ANKRD55: variants seen among roughly 807,000 people sequenced by gnomAD.
ANKRD55 encodes ankyrin repeat domain-containing protein 55.
Under a neutral mutation model 60.6 loss-of-function variants are expected in ANKRD55, and 41 were observed. The ratio of observed to expected loss-of-function variants is 0.68; its 90% CI spans 0.53 to 0.88. ANKRD55 has a LOEUF of 0.88. Among genes scored for constraint, ANKRD55 ranks in the 40% least tolerant of loss-of-function variants. The pLI is 0.00. For missense variants in ANKRD55, 732 were observed against 767.6 expected, an observed-to-expected ratio of 0.95 and a Z score of 0.55; for synonymous variants, 264 against 290.3, an observed-to-expected ratio of 0.91 and a Z score of 0.92.
chr5:56,120,041 ATT>A (rs34414624), intron 8 of ANKRD55, among the ~76,000 whole-genome samples: 2 of 144,284 alleles, frequency 1.4e-5, no homozygotes, highest in Admixed American at 6.9e-5. Context: ...TCTCAACACC[ATT>A]TTTTTTTTTT....
At chr5:56,164,225 G>C (rs771132423) in intron 5 of ANKRD55, among the ~76,000 whole-genome samples, 2 of 152,210 alleles carry the variant, frequency 1.3e-5, no homozygotes, top group Non-Finnish European at 2.9e-5. Context: ...TCAGCTAGAA[G>C]CATCCTGGGG....
chr5:56,148,610 C>T (rs1757958063), intron 6 of ANKRD55, among the ~76,000 whole-genome samples: 1 of 151,714 alleles, frequency 6.6e-6, no homozygotes, highest in South Asian at 2.1e-4. Context: ...TGTGCCACCA[C>T]AATTTCAGTT....
intron 6 of ANKRD55, among the ~76,000 whole-genome samples, chr5:56,151,563 A>G (rs1387916342): frequency 2.0e-5 from 3 of 152,166 alleles, no homozygotes; most frequent in African/African-American, 7.2e-5. Flanking sequence ...CTATAATCCC[A>G]GCACTTTGGG....
intron 6 of ANKRD55, among the ~76,000 whole-genome samples, chr5:56,151,267 T>G (rs1758036615): frequency 6.6e-6 from 1 of 152,244 alleles, no homozygotes; most frequent in Non-Finnish European, 1.5e-5. Context: ...CTACAGGACA[T>G]TTTTAAAAAA....
In ANKRD55 at chr5:56,140,733, T is replaced by C. The variant is rs193219737; in HGVS notation, c.612+3068A>G. Among the ~76,000 whole-genome samples, 7 of 152,320 alleles carry C rather than the reference T, an allele frequency of 4.6e-5. No individual in the cohort carries two copies. In the East Asian group the frequency reaches 1.3e-3, roughly 29 times the overall value. ...ATAGTGCTTCTAAACCCTAGCTGCATATTACAGTCTTCTATGGAAAGGAGG... is the reference window on the plus strand; with the variant it reads ...ATAGTGCTTCTAAACCCTAGCTGCACATTACAGTCTTCTATGGAAAGGAGG... On this transcript the variant is annotated intron_variant, in intron 7 of 11. Transcript: ENST00000341048.
intron 2 of ANKRD55, among the ~76,000 whole-genome samples, chr5:56,197,013 C>T (rs867285534): frequency 3.3e-5 from 5 of 152,160 alleles, no homozygotes; most frequent in African/African-American, 9.7e-5. Flanking sequence ...TAAGCAAACT[C>T]TGCAGGTGTC....
chr5:56,180,632 C>A (rs1439586252), intron 3 of ANKRD55, among the ~76,000 whole-genome samples: 4 of 152,158 alleles, frequency 2.6e-5, no homozygotes, highest in African/African-American at 9.7e-5. Context: ...TTAATTAGCA[C>A]TTTATAGTTT....
chr5:56,181,022 G>A (rs919534449), intron 3 of ANKRD55, among the ~76,000 whole-genome samples: 1 of 152,140 alleles, frequency 6.6e-6, no homozygotes, highest in Non-Finnish European at 1.5e-5. Flanking sequence ...GCAACATGGT[G>A]AAACCTGTCT....
chr5:56,135,003 T>A (rs952458848), intron 7 of ANKRD55, among the ~76,000 whole-genome samples: 1 of 152,164 alleles, frequency 6.6e-6, no homozygotes, highest in African/African-American at 2.4e-5. Context: ...AAGAATCACA[T>A]GGTTGTATCA....
In ANKRD55 at chr5:56,170,685, G is replaced by T; in HGVS notation, c.422+9C>A. Reference sequence around the variant, plus strand: ...CCAACTTGAGCATCATGTAAACCTGGCCACTTACCTCATATCGGGCTCAGC... The same window carrying T: ...CCAACTTGAGCATCATGTAAACCTGTCCACTTACCTCATATCGGGCTCAGC... On this transcript the variant is annotated intron_variant, in intron 5 of 11. Coordinates refer to ENST00000341048, the MANE Select transcript of ANKRD55 (RefSeq NM_024669.3). 6.2e-7 allele frequency: 1 copy of T among 1,612,300 alleles called. No homozygotes were observed. Among genetic ancestry groups the T allele is most frequent in the Non-Finnish European group, 8.5e-7 (1 of 1,178,438 alleles).
intron 8 of ANKRD55, among the ~76,000 whole-genome samples, chr5:56,121,356 AT>A (rs1561256253): frequency 6.7e-6 from 1 of 150,098 alleles, no homozygotes. Context: ...AATACTTGAT[AT>A]AGTAAGTGTT....
At chr5:56,128,497 A>G (rs73126491) in intron 7 of ANKRD55, among the ~76,000 whole-genome samples, 6,114 of 152,286 alleles carry the variant, frequency 0.04, 424 homozygotes, top group African/African-American at 0.14. Context: ...AAGTAAAGAC[A>G]GACTCCATAC....
In ANKRD55 at chr5:56,157,297, G is replaced by T. The variant is rs377384006; in HGVS notation, c.483+2536C>A. On this transcript the variant is annotated intron_variant, in intron 6 of 11. Transcript: ENST00000341048. ...CCAGGGACACAAAACACTGTGGAAG[G>T]CCACAGGGACCTCTGCCTAGGAAAG... Among the ~76,000 whole-genome samples, 6 of 152,290 alleles carry T rather than the reference G, an allele frequency of 3.9e-5. No individual in the cohort carries two copies. The East Asian group carries it at 7.7e-4, about 20-fold the overall frequency.
At chr5:56,166,131 T>A (rs866240177) in intron 5 of ANKRD55, among the ~76,000 whole-genome samples, 1 of 100,006 alleles carries the variant, frequency 1.0e-5, no homozygotes, top group African/African-American at 5.2e-5. Context: ...TCTTTCTTTC[T>A]TTCTTTCTTT....
intron 6 of ANKRD55, among the ~76,000 whole-genome samples, chr5:56,155,267 G>A (rs533193295): frequency 1.4e-4 from 22 of 151,798 alleles, no homozygotes; most frequent in Non-Finnish European, 2.5e-4. Context: ...GAGGAGGTTG[G>A]TTTTGTAGAC....
intron 2 of ANKRD55, among the ~76,000 whole-genome samples, chr5:56,221,853 C>G (rs540325263): frequency 6.6e-6 from 1 of 152,192 alleles, no homozygotes; most frequent in Admixed American, 6.5e-5. Context: ...CCAGGAAGCT[C>G]GAACTGGGTG....
intron 7 of ANKRD55, among the ~76,000 whole-genome samples, chr5:56,137,841 CAAT>C (rs1242075658): frequency 2.6e-5 from 4 of 152,108 alleles, no homozygotes; most frequent in East Asian, 1.9e-4. Context: ...AAGAAAACAA[CAAT>C]GATATTTAAA....
intron 2 of ANKRD55, among the ~76,000 whole-genome samples, chr5:56,212,497 G>A (rs951175874): frequency 6.6e-6 from 1 of 152,156 alleles, no homozygotes; most frequent in East Asian, 1.9e-4. Flanking sequence ...TATAAAGGAA[G>A]AGCAAAATAA....
intron 2 of ANKRD55, among the ~76,000 whole-genome samples, chr5:56,199,529 C>T (rs1759308928): frequency 6.7e-6 from 1 of 150,318 alleles, no homozygotes; most frequent in South Asian, 2.1e-4. Flanking sequence ...GGCTTTTGAA[C>T]ATTTTTAAAC....
Sources: gnomAD v4.1 joint callset for allele counts (sites outside exome capture counted in the v4.1 genomes callset) on GRCh38, gnomAD v4.1.1 for gene constraint, MANE v1.5 for transcripts, NCBI Gene and HGNC (gene_info 2026-07-23, HGNC 2026-07-21) for gene names.